EMCN: variants seen among roughly 807,000 people sequenced by gnomAD.
The protein encoded by EMCN is MUC-14.
A neutral mutation model predicts 38.4 loss-of-function variants in EMCN; 37 were observed. The ratio of observed to expected loss-of-function variants is 0.96; its 90% CI spans 0.74 to 1.27. The LOEUF (loss-of-function observed/expected upper bound fraction) is 1.27. Among genes scored for constraint, EMCN ranks in the 50% most tolerant of loss-of-function variants. The pLI is 0.00. For missense variants in EMCN, 318 were observed against 302.8 expected, an observed-to-expected ratio of 1.05 and a Z score of -0.37; for synonymous variants, 95 against 100.8, an observed-to-expected ratio of 0.94 and a Z score of 0.35.
intron 5 of EMCN, among the ~76,000 whole-genome samples, chr4:100,427,222 C>T (rs932212200): frequency 8.6e-5 from 13 of 151,882 alleles, no homozygotes; most frequent in South Asian, 4.1e-4. Context: ...TTTTCTTTTT[C>T]GTCTCCTTGG....
intron 11 of EMCN, among the ~76,000 whole-genome samples, chr4:100,400,440 C>T (rs559943468): frequency 2.6e-5 from 4 of 151,804 alleles, no homozygotes; most frequent in East Asian, 1.9e-4. Context: ...CTAAACTTCA[C>T]GTTATCATGT....
At chr4:100,412,912 A>G (rs949346119) in intron 10 of EMCN, among the ~76,000 whole-genome samples, 2 of 152,190 alleles carry the variant, frequency 1.3e-5, no homozygotes, top group African/African-American at 4.8e-5. Flanking sequence ...TTTGGGTCAA[A>G]GAACTCTCTT....
intron 1 of EMCN, among the ~76,000 whole-genome samples, chr4:100,497,619 G>A (rs1249208536): frequency 6.6e-6 from 1 of 152,008 alleles, no homozygotes; most frequent in African/African-American, 2.4e-5. Flanking sequence ...CTCATGATCC[G>A]CCTGCCTCAG....
chr4:100,415,262 T>C (rs1358247103), intron 10 of EMCN, among the ~76,000 whole-genome samples: 1 of 152,230 alleles, frequency 6.6e-6, no homozygotes, highest in Admixed American at 6.5e-5. Flanking sequence ...ATGGTTTAAA[T>C]GTCTAATCTA....
At position 100,479,966 on chromosome 4, in the gene EMCN, T is replaced by C; in HGVS notation, c.138A>G (p.Glu46=). 1 of 1,610,340 alleles carries C rather than the reference T, an allele frequency of 6.2e-7. No homozygotes were observed. The highest frequency in any genetic ancestry group is 8.5e-7 in the Non-Finnish European group (1 of 1,178,386). Residue 46 remains glutamate, a synonymous_variant, in exon 2 of 12, where the codon GAA becomes GAG. Coordinates refer to ENST00000296420, the MANE Select transcript of EMCN (RefSeq NM_016242.4). ...GTGTGACAACATTTTTCTGTAATGATTCTGTGTTTGGTGTTGTTATAGATG... is the reference window on the plus strand; with the variant it reads ...GTGTGACAACATTTTTCTGTAATGACTCTGTGTTTGGTGTTGTTATAGATG... The part of the protein sequence containing the change: ...TKPSITTPNT[E]SLQKNVVTPT...
chr4:100,446,268 A>C, intron 5 of EMCN: 1 of 901,330 alleles, frequency 1.1e-6, no homozygotes, highest in Non-Finnish European at 1.3e-6. Flanking sequence ...GGAAATAATA[A>C]AAAATATGGT....
chr4:100,473,365 G>GGTTTTTTTTTTTT (rs1728533364), intron 3 of EMCN, among the ~76,000 whole-genome samples: 1 of 29,840 alleles, frequency 3.4e-5, no homozygotes, highest in African/African-American at 8.1e-5. Flanking sequence ...CCCGTTTCGT[G>GGTTTTTTTTTTTT]TTTTTTTGTT....
At chr4:100,500,011 T>C (rs1296488938) in intron 1 of EMCN, among the ~76,000 whole-genome samples, 1 of 152,158 alleles carries the variant, frequency 6.6e-6, no homozygotes, top group Non-Finnish European at 1.5e-5. Flanking sequence ...GTATATCTTT[T>C]TTGTTCATAG....
At chr4:100,480,644 A>G (rs1728782659) in intron 1 of EMCN, among the ~76,000 whole-genome samples, 1 of 151,910 alleles carries the variant, frequency 6.6e-6, no homozygotes, top group Non-Finnish European at 1.5e-5. Flanking sequence ...ATGAAATTCA[A>G]CAACTGCAAC....
chr4:100,498,516 C>G (rs147530173), intron 1 of EMCN, among the ~76,000 whole-genome samples: 2 of 151,422 alleles, frequency 1.3e-5, no homozygotes, highest in South Asian at 4.2e-4. Context: ...GACGGAGTCT[C>G]GCTCTGTCAC....
At chr4:100,431,461 A>T (rs1296000042) in intron 5 of EMCN, among the ~76,000 whole-genome samples, 1 of 152,138 alleles carries the variant, frequency 6.6e-6, no homozygotes, top group Non-Finnish European at 1.5e-5. Context: ...CAACCAGTTG[A>T]AACCCTGGGT....
At chr4:100,418,078 AT>A (rs3836627) in intron 8 of EMCN, among the ~76,000 whole-genome samples, 137,234 of 152,118 alleles carry the variant, frequency 0.9, 61,927 homozygotes, top group South Asian at 0.96. Context: ...TGGTTAAGAT[AT>A]TGCCATCGTA....
At chr4:100,505,208 TG>T (rs1473220225) in intron 1 of EMCN, among the ~76,000 whole-genome samples, 5 of 152,114 alleles carry the variant, frequency 3.3e-5, no homozygotes, top group Non-Finnish European at 7.4e-5. Context: ...GGGCCACTAC[TG>T]GTCTCCGCGT....
intron 2 of EMCN, among the ~76,000 whole-genome samples, chr4:100,475,778 C>T (rs1560631653): frequency 2.0e-5 from 3 of 146,996 alleles, no homozygotes; most frequent in East Asian, 2.0e-4. Context: ...CCTGGGTTCA[C>T]GCCATTCTCC....
intron 8 of EMCN, among the ~76,000 whole-genome samples, chr4:100,420,757 T>C (rs1726865688): frequency 6.6e-6 from 1 of 152,072 alleles, no homozygotes; most frequent in Non-Finnish European, 1.5e-5. Context: ...TCTTTGCAAC[T>C]TCCCTGTAAC....
intron 4 of EMCN, among the ~76,000 whole-genome samples, chr4:100,448,471 T>C (rs975741180): frequency 6.6e-6 from 1 of 152,142 alleles, no homozygotes; most frequent in Non-Finnish European, 1.5e-5. Flanking sequence ...CCATTTGTTT[T>C]CCAGTTGCAC....
intron 1 of EMCN, among the ~76,000 whole-genome samples, chr4:100,510,622 T>C (rs1357355363): frequency 6.6e-6 from 1 of 152,204 alleles, no homozygotes; most frequent in African/African-American, 2.4e-5. Context: ...ATTCTTCCAA[T>C]ATCCCTATGA....
chr4:100,440,611 G>A (rs1289839050), intron 5 of EMCN, among the ~76,000 whole-genome samples: 3 of 151,524 alleles, frequency 2.0e-5, no homozygotes, highest in Admixed American at 1.3e-4. Flanking sequence ...TGGTGTGTGT[G>A]TATATATATA....
chr4:100,422,423 T>C (rs1726914139), intron 7 of EMCN, among the ~76,000 whole-genome samples: 1 of 152,086 alleles, frequency 6.6e-6, no homozygotes, highest in South Asian at 2.1e-4. Context: ...TGTCTTTTTA[T>C]TCTTAATTAC....
Sources: allele counts gnomAD v4.1 joint callset (sites outside exome capture counted in the v4.1 genomes callset), GRCh38; gene constraint gnomAD v4.1.1; transcripts MANE v1.5; gene names NCBI Gene and HGNC (gene_info 2026-07-23, HGNC 2026-07-21).